The following CEP63 variants were observed in gnomAD, a reference collection of about 807,000 sequenced individuals.
CEP63 encodes the protein centrosomal protein 63, also known as centrosomal protein of 63 kDa.
Under a neutral mutation model 89.1 loss-of-function variants are expected in CEP63, and 84 were observed. The observed-to-expected ratio is 0.94, with a 90% confidence interval of 0.79 to 1.13. The LOEUF (loss-of-function observed/expected upper bound fraction) is 1.13, where lower values mean the gene tolerates loss of function less well. Among genes scored for constraint, CEP63 ranks in the 50% most tolerant of loss-of-function variants. The pLI, the probability that CEP63 is intolerant of heterozygous loss-of-function variation, is 0.00. For synonymous variants in CEP63, 267 were observed against 272.5 expected, an observed-to-expected ratio of 0.98 and a Z score of 0.20; for missense variants, 838 against 813.3, an observed-to-expected ratio of 1.03 and a Z score of -0.37.
chr3:134,579,120 G>A (rs535568589), downstream of CEP63, among the ~76,000 whole-genome samples: 6 of 152,294 alleles, frequency 3.9e-5, no homozygotes, highest in African/African-American at 1.2e-4. Context: ...CTTGACAACC[G>A]TATTTTTGTA....
At chr3:134,582,514 C>A (rs1958384422) in intron 10 of CEP63, among the ~76,000 whole-genome samples, 1 of 152,104 alleles carries the variant, frequency 6.6e-6, no homozygotes, top group Admixed American at 6.5e-5. Flanking sequence ...TGAACACATC[C>A]TTTTTTATGG....
chr3:134,508,396 C>T (rs147203436), intron 3 of CEP63, among the ~76,000 whole-genome samples: 48 of 152,216 alleles, frequency 3.2e-4, no homozygotes, highest in African/African-American at 1.1e-3. Context: ...TGCAAAAGTA[C>T]AGTGAATGGT....
At chr3:134,557,951 T>C (rs962857022) in intron 12 of CEP63, among the ~76,000 whole-genome samples, 191 bp from the exon 13 acceptor site, 1 of 152,218 alleles carries the variant, frequency 6.6e-6, no homozygotes, top group African/African-American at 2.4e-5. Context: ...GTTGTGCTTC[T>C]AGTGTTCCAC....
intron 1 of CEP63, among the ~76,000 whole-genome samples, chr3:134,489,076 G>C (rs1199189140): frequency 6.7e-6 from 1 of 150,352 alleles, no homozygotes; most frequent in Non-Finnish European, 1.5e-5. Context: ...AAGGAGAATC[G>C]CTTGAACCCG....
At chr3:134,713,938 A>G in the CEP63 span, among the ~76,000 whole-genome samples, 2 of 152,216 alleles carry the variant, frequency 1.3e-5, no homozygotes, top group African/African-American at 4.8e-5. Flanking sequence ...GTGCATAACA[A>G]GTGCTCAGAC....
At chr3:134,536,759 C>G in intron 5 of CEP63, 1 of 295,276 alleles carries the variant, frequency 3.4e-6, no homozygotes, top group Admixed American at 4.7e-5. Context: ...GTCTGGATAT[C>G]AAGAATTTGG....
At chr3:134,647,526 G>A in the CEP63 span, 15 of 1,417,566 alleles carry the variant, frequency 1.1e-5, no homozygotes, top group African/African-American at 1.7e-4. Flanking sequence ...CTCTGAGGTG[G>A]GAGACTCAGG....
At chr3:134,693,411 A>T in the CEP63 span, among the ~76,000 whole-genome samples, 1 of 151,630 alleles carries the variant, frequency 6.6e-6, no homozygotes, top group Non-Finnish European at 1.5e-5. Flanking sequence ...CTGCCAAAAA[A>T]GTTTTGGGTT....
At chr3:134,715,614 A>C in the CEP63 span, among the ~76,000 whole-genome samples, 1 of 150,554 alleles carries the variant, frequency 6.6e-6, no homozygotes, top group East Asian at 1.9e-4. Flanking sequence ...TTGTGATATC[A>C]GTGCAATCTC....
chr3:134,622,742 CAG>C, the CEP63 span, among the ~76,000 whole-genome samples: 1 of 152,120 alleles, frequency 6.6e-6, no homozygotes, highest in African/African-American at 2.4e-5. Flanking sequence ...CTCAGGGAAA[CAG>C]GGCTGAGGTT....
chr3:134,731,314 CT>C, the CEP63 span, among the ~76,000 whole-genome samples: 1 of 152,102 alleles, frequency 6.6e-6, no homozygotes, highest in African/African-American at 2.4e-5. Flanking sequence ...CATATACATT[CT>C]TCTCAAGCAC....
chr3:134,709,551 G>A, the CEP63 span, among the ~76,000 whole-genome samples: 14 of 152,250 alleles, frequency 9.2e-5, no homozygotes, highest in Admixed American at 6.5e-4. Flanking sequence ...TTATTCTGAT[G>A]TCTTCTTCCC....
At chr3:134,614,342 A>T in the CEP63 span, among the ~76,000 whole-genome samples, 1 of 152,118 alleles carries the variant, frequency 6.6e-6, no homozygotes, top group East Asian at 1.9e-4. Flanking sequence ...CAGAATTGAC[A>T]ACCTCAATTT....
chr3:134,611,819 GCCTCC>G, the CEP63 span, among the ~76,000 whole-genome samples: 1 of 152,236 alleles, frequency 6.6e-6, no homozygotes, highest in East Asian at 1.9e-4. Context: ...GGGCCACGGA[GCCTCC>G]CAGGGGAATG....
intron 6 of CEP63, among the ~76,000 whole-genome samples, chr3:134,538,531 GTGTATATA>G (rs1223374094): frequency 1.0e-5 from 1 of 99,680 alleles, no homozygotes; most frequent in Non-Finnish European, 2.2e-5. Context: ...TTGTGTGTGT[GTGTATATA>G]TATATATATA....
intron 2 of CEP63, among the ~76,000 whole-genome samples, chr3:134,499,532 A>AT (rs148653760): frequency 1.2e-4 from 18 of 150,508 alleles, no homozygotes; most frequent in Admixed American, 1.2e-3. Flanking sequence ...GATCTTTGTT[A>AT]TTTTTTTCCT....
chr3:134,762,295 T>A, the CEP63 span, among the ~76,000 whole-genome samples: 1 of 152,086 alleles, frequency 6.6e-6, no homozygotes, highest in Non-Finnish European at 1.5e-5. Flanking sequence ...GTATGAAGTG[T>A]GAGAATTTCT....
At chr3:134,629,536 G>A in the CEP63 span, 3 of 1,012,710 alleles carry the variant, frequency 3.0e-6, no homozygotes, top group East Asian at 5.2e-5. Context: ...TCCCTCAGAA[G>A]ATGCTTGGGC....
intron 3 of CEP63, among the ~76,000 whole-genome samples, chr3:134,511,944 C>G (rs1476244542): frequency 6.6e-6 from 1 of 152,124 alleles, no homozygotes; most frequent in Admixed American, 6.5e-5. Context: ...AGCACTTAGT[C>G]CTAGGGTGTA....
Sources: allele counts gnomAD v4.1 joint callset (sites outside exome capture counted in the v4.1 genomes callset), GRCh38; gene constraint gnomAD v4.1.1; transcripts MANE v1.5; gene names NCBI Gene and HGNC (gene_info 2026-07-23, HGNC 2026-07-21).